The following PAAF1 variants were observed in gnomAD, a reference collection of about 807,000 sequenced individuals.
PAAF1 encodes the protein proteasomal ATPase-associated factor 1.
In PAAF1, 46 loss-of-function variants were observed where a neutral mutation model predicts 52.8. The observed-to-expected ratio is 0.87, with a 90% CI of 0.69 to 1.11. The LOEUF (loss-of-function observed/expected upper bound fraction) is 1.11. PAAF1 is among the 50% of genes most tolerant of loss of function. PAAF1 has a pLI of 0.00. For missense variants in PAAF1, 424 were observed against 477.4 expected (o/e 0.89, Z 1.04); for synonymous variants, 178 against 172.8 (o/e 1.03, Z -0.24).
intron 7 of PAAF1, among the ~76,000 whole-genome samples, chr11:73,909,795 G>A (rs553122038): frequency 9.2e-5 from 14 of 152,214 alleles, no homozygotes; most frequent in African/African-American, 2.6e-4. Flanking sequence ...ATAGCACTGC[G>A]TTTCAGTAAG....
chr11:73,877,229 A>G lies in PAAF1; in HGVS notation c.47+161A>G, dbSNP rs1948767024. 8 of 676,742 alleles carry G rather than the reference A, an allele frequency of 1.2e-5. 1 individual carries two copies. Among genetic ancestry groups the G allele is most frequent in the Admixed American group, 8.4e-5 (2 of 23,706 alleles). 41.9% of individuals were successfully genotyped at this position (676,742 alleles called of 1,614,324 possible). A position where few individuals can be genotyped will look rare whatever the true frequency, so the allele number is the denominator to read the frequency against. On this transcript the variant is annotated intron_variant, in intron 1 of 11. Transcript: ENST00000310571. ...CCGGAAAAAGAAGTATCAAACCCGT[A>G]TGGTCATTCTCTGAAAAGCTATCCC...
intron 4 of PAAF1, among the ~76,000 whole-genome samples, chr11:73,896,173 A>G (rs1199637627): frequency 6.6e-6 from 1 of 151,630 alleles, no homozygotes; most frequent in Non-Finnish European, 1.5e-5. Flanking sequence ...AAATTTCTCT[A>G]TTCTTTATTC....
intron 5 of PAAF1, among the ~76,000 whole-genome samples, chr11:73,899,552 C>T (rs1399876705): frequency 6.6e-6 from 1 of 151,790 alleles, no homozygotes; most frequent in African/African-American, 2.4e-5. Flanking sequence ...GCTGAGATTA[C>T]AGGCATGTGC....
chr11:73,880,750 G>A (rs1591035864), intron 2 of PAAF1: 1 of 139,442 alleles, frequency 7.2e-6, no homozygotes, highest in East Asian at 2.2e-4. Flanking sequence ...TGTGATCCTA[G>A]CACTTTAGGA....
intron 10 of PAAF1, among the ~76,000 whole-genome samples, chr11:73,921,072 G>A (rs112764024): frequency 3.3e-5 from 5 of 151,988 alleles, no homozygotes; most frequent in African/African-American, 1.2e-4. Context: ...GGTCAAGGCG[G>A]GTGGATCAGC....
intron 6 of PAAF1, among the ~76,000 whole-genome samples, chr11:73,902,192 C>T (rs75270088): frequency 6.6e-6 from 1 of 152,158 alleles, no homozygotes; most frequent in African/African-American, 2.4e-5. Context: ...TTCTTTATAA[C>T]ATTTTGCCAG....
intron 10 of PAAF1, among the ~76,000 whole-genome samples, chr11:73,923,566 C>T (rs913541895): frequency 6.6e-6 from 1 of 152,100 alleles, no homozygotes; most frequent in Non-Finnish European, 1.5e-5. Context: ...GACAGAGTCT[C>T]ACTCTGTCGC....
intron 2 of PAAF1, chr11:73,879,183 T>C (rs1948825589): frequency 6.4e-6 from 1 of 157,466 alleles, no homozygotes; most frequent in African/African-American, 2.4e-5. Context: ...CAGAGATTGA[T>C]CAGTTGTTTG....
At chr11:73,888,277 T>C (rs1949114197) in intron 3 of PAAF1, among the ~76,000 whole-genome samples, 1 of 152,362 alleles carries the variant, frequency 6.6e-6, no homozygotes, top group South Asian at 2.1e-4. Flanking sequence ...GTTGAAAATA[T>C]AGATGCCCAT....
At chr11:73,908,341 A>ATATATGTATATATATATGTGTG in intron 6 of PAAF1, among the ~76,000 whole-genome samples, 1 of 145,212 alleles carries the variant, frequency 6.9e-6, no homozygotes, top group African/African-American at 2.6e-5. Flanking sequence ...ATATATGTGT[A>ATATATGTATATATATATGTGTG]TATATGTGTA....
Position 73,929,151 on chromosome 11 carries a change from A to C in PAAF1, c.*1789A>C, listed in dbSNP as rs1418093784. On this transcript the variant is annotated 3_prime_UTR_variant, in exon 12 of 12. Coordinates refer to ENST00000310571, the MANE Select transcript of PAAF1 (RefSeq NM_025155.3). ...TGCCTTAACCTCCTGGGCTCAAGCA[A>C]TCCTCCCACTTCAGCCTCCCAAGTA... The C allele has an allele frequency of 6.6e-6, 1 of 152,046 alleles. No individual in the cohort carries two copies. Among genetic ancestry groups the C allele is most frequent in the South Asian group, 2.1e-4 (1 of 4,818 alleles). 9.4% of individuals were successfully genotyped at this position (152,046 alleles called of 1,614,324 possible).
chr11:73,882,413 G>T (rs1227192607), intron 2 of PAAF1, among the ~76,000 whole-genome samples: 8 of 149,932 alleles, frequency 5.3e-5, no homozygotes, highest in Non-Finnish European at 1.2e-4. Flanking sequence ...TTTTGTTTCT[G>T]TGTGTGTTTA....
chr11:73,927,878 G>A lies in PAAF1; in HGVS notation c.*516G>A, dbSNP rs1468443647. ...ATAAATGTCCTGTAAGCTGCCACCT[G>A]GGAGAGATTCTTATGCAGGTGGTAA... On this transcript the variant is annotated 3_prime_UTR_variant, in exon 12 of 12. Transcript: ENST00000310571. 6.5e-6 allele frequency: 1 copy of A among 154,868 alleles called. No homozygotes were observed. The highest frequency in any genetic ancestry group is 1.4e-5 in the Non-Finnish European group (1 of 69,778). 9.6% of individuals were successfully genotyped at this position (154,868 alleles called of 1,614,324 possible). A position where few individuals can be genotyped will look rare whatever the true frequency, so the allele number is the denominator to read the frequency against.
chr11:73,896,944 C>T (rs2135162487), intron 4 of PAAF1, among the ~76,000 whole-genome samples: 1 of 147,186 alleles, frequency 6.8e-6, no homozygotes, highest in South Asian at 2.2e-4. Flanking sequence ...CCCCAGACCT[C>T]CCTCCCCGAC....
At chr11:73,887,244 G>T in intron 2 of PAAF1, 110 bp from the exon 3 acceptor site, 1 of 685,494 alleles carries the variant, frequency 1.5e-6, no homozygotes. Flanking sequence ...TTCTTTCGTG[G>T]GCCAATTTCA....
In PAAF1 at chr11:73,924,604, C is replaced by T; in HGVS notation, c.1019-11C>T. The T allele has an allele frequency of 6.2e-7, 1 of 1,608,482 alleles. No individual in the cohort carries two copies. The highest frequency in any genetic ancestry group is 8.5e-7 in the Non-Finnish European group (1 of 1,177,030). On this transcript the variant is annotated splice_polypyrimidine_tract_variant and intron_variant, in intron 10 of 11. Transcript: ENST00000310571. ...TCTCTTAGTTATATGAATTTTCTTT[C>T]TGCCTTTCAGGTGATGGAAGCTGTT...
chr11:73,924,600 CT>C lies in PAAF1; in HGVS notation c.1019-12del. 6.2e-7 allele frequency: 1 copy of C among 1,609,378 alleles called. No homozygotes were observed. Among genetic ancestry groups the C allele is most frequent in the African/African-American group, 1.3e-5 (1 of 74,900 alleles). On this transcript the variant is annotated splice_polypyrimidine_tract_variant and intron_variant, in intron 10 of 11. Transcript: ENST00000310571. ...GTTTTCTCTTAGTTATATGAATTTT[CT>C]TTCTGCCTTTCAGGTGATGGAAGCT...
chr11:73,916,729 GAT>G, intron 9 of PAAF1, 69 bp downstream of exon 9: 7 of 1,065,808 alleles, frequency 6.6e-6, no homozygotes, highest in Non-Finnish European at 1.0e-5. Context: ...CTTTAACATT[GAT>G]TTAGCCTAGC....
rs778282499 is a variant in PAAF1 at position 73,927,352 on chromosome 11, C to G, written c.1169C>G (p.Ser390Cys). The change falls in exon 12 of 12, where the codon TCT (serine) becomes TGT (cysteine). Residue 390 changes from serine (S) to cysteine (C), a missense_variant. Coordinates refer to ENST00000310571, the MANE Select transcript of PAAF1 (RefSeq NM_025155.3). ...GGTCTTGTACGACGCTACCAGCTTT[C>G]TGACCTCTGACTTCTTGGAAAGAGC... ...RDGLVRRYQL[S>C]DL The G allele has an allele frequency of 6.2e-7, 1 of 1,613,878 alleles. No individual in the cohort carries two copies. Among genetic ancestry groups the G allele is most frequent in the Non-Finnish European group, 8.5e-7 (1 of 1,179,826 alleles).
Sources: allele counts gnomAD v4.1 joint callset (sites outside exome capture counted in the v4.1 genomes callset), GRCh38; gene constraint gnomAD v4.1.1; transcripts MANE v1.5; gene names NCBI Gene and HGNC (gene_info 2026-07-23, HGNC 2026-07-21).